SV2C: variants seen among roughly 807,000 people sequenced by gnomAD.
The protein encoded by SV2C is solute carrier family 22 member B3.
SV2C carries 49 observed loss-of-function variants against 79.7 expected under a neutral mutation model. That is an observed-to-expected ratio of 0.61 (90% confidence interval 0.49 to 0.78). The LOEUF (loss-of-function observed/expected upper bound fraction) is 0.78. Ranked by LOEUF, SV2C falls within the 30% of genes least tolerant of loss-of-function variation. The probability of loss-of-function intolerance (pLI) is 0.00; values close to 1 mark genes in which losing one functional copy is unlikely to be tolerated. For synonymous variants in SV2C, 334 were observed against 333.2 expected, an observed-to-expected ratio of 1.00 and a Z score of -0.03; for missense variants, 833 against 912.9, an observed-to-expected ratio of 0.91 and a Z score of 1.13.
chr5:76,257,779 T>G (rs994665610), intron 4 of SV2C, among the ~76,000 whole-genome samples: 1 of 151,232 alleles, frequency 6.6e-6, no homozygotes, highest in Non-Finnish European at 1.5e-5. Flanking sequence ...TATGGGTGTA[T>G]GTAGTATAGA....
chr5:75,886,213 A>G, the SV2C span, among the ~76,000 whole-genome samples: 1 of 152,156 alleles, frequency 6.6e-6, no homozygotes, highest in Non-Finnish European at 1.5e-5. Flanking sequence ...ATGAGTACAG[A>G]TAAGACAGCC....
chr5:76,145,549 G>C (rs1484915740), intron 2 of SV2C, among the ~76,000 whole-genome samples: 1 of 152,170 alleles, frequency 6.6e-6, no homozygotes, highest in Non-Finnish European at 1.5e-5. Context: ...TGAGAATGAA[G>C]TCTGTGTGTC....
chr5:75,931,586 A>G, the SV2C span, among the ~76,000 whole-genome samples: 8 of 152,214 alleles, frequency 5.3e-5, no homozygotes, highest in African/African-American at 1.7e-4. Flanking sequence ...GGGCCAATCC[A>G]CTGCTGGCCC....
chr5:75,997,548 C>G, the SV2C span, among the ~76,000 whole-genome samples: 1 of 152,150 alleles, frequency 6.6e-6, no homozygotes, highest in African/African-American at 2.4e-5. Context: ...ACAGACACTT[C>G]TCAAAAGAAG....
chr5:76,183,416 G>A (rs1743815445), intron 2 of SV2C, among the ~76,000 whole-genome samples: 1 of 151,644 alleles, frequency 6.6e-6, no homozygotes, highest in Non-Finnish European at 1.5e-5. Flanking sequence ...TCCAGCACTG[G>A]GGTTTGTGCT....
chr5:76,133,628 G>A (rs999046591), intron 2 of SV2C, among the ~76,000 whole-genome samples: 7 of 151,762 alleles, frequency 4.6e-5, no homozygotes, highest in African/African-American at 1.7e-4. Flanking sequence ...TTGAAGGGGT[G>A]GGAGTCAGGA....
chr5:75,892,192 T>TG, the SV2C span, among the ~76,000 whole-genome samples: 3,526 of 152,170 alleles, frequency 0.023, 57 homozygotes, highest in African/African-American at 0.053. Context: ...TATCTTCATG[T>TG]TCCCTGGTTT....
At chr5:76,314,771 A>G (rs969320805) in intron 12 of SV2C, among the ~76,000 whole-genome samples, 1 of 152,258 alleles carries the variant, frequency 6.6e-6, no homozygotes, top group East Asian at 1.9e-4. Context: ...CAGCACAGAC[A>G]TATCTACCTC....
the SV2C span, among the ~76,000 whole-genome samples, chr5:75,983,079 A>G: frequency 1.3e-5 from 2 of 152,160 alleles, no homozygotes; most frequent in Non-Finnish European, 1.5e-5. Flanking sequence ...ATACAAGTTT[A>G]CCTATGTAAC....
At chr5:75,847,601 T>C in the SV2C span, among the ~76,000 whole-genome samples, 2 of 152,238 alleles carry the variant, frequency 1.3e-5, no homozygotes, top group East Asian at 3.8e-4. Context: ...TTTTCTCATT[T>C]GGCTGAAAGT....
chr5:75,953,220 T>C, the SV2C span, among the ~76,000 whole-genome samples: 2 of 151,778 alleles, frequency 1.3e-5, no homozygotes, highest in African/African-American at 4.8e-5. Context: ...TGGGAACTAA[T>C]AGAATAATGA....
chr5:75,989,068 G>A, the SV2C span, among the ~76,000 whole-genome samples: 6 of 151,290 alleles, frequency 4.0e-5, no homozygotes, highest in Admixed American at 6.6e-5. Context: ...TCTTTTTTTC[G>A]AAATTTAAAC....
At chr5:75,942,833 C>T in the SV2C span, among the ~76,000 whole-genome samples, 1 of 152,098 alleles carries the variant, frequency 6.6e-6, no homozygotes, top group Non-Finnish European at 1.5e-5. Context: ...AAGGAAGATT[C>T]ATTTGTTAAG....
chr5:75,946,141 A>T, the SV2C span, among the ~76,000 whole-genome samples: 1 of 152,138 alleles, frequency 6.6e-6, no homozygotes, highest in Non-Finnish European at 1.5e-5. Context: ...AGAATTGATG[A>T]GTCTCTACCT....
intron 12 of SV2C, among the ~76,000 whole-genome samples, chr5:76,318,971 G>A (rs1258744433): frequency 6.6e-6 from 1 of 152,196 alleles, no homozygotes; most frequent in African/African-American, 2.4e-5. Context: ...CGTACTTTGG[G>A]TGTCTGCAGA....
In SV2C at chr5:76,131,918, T is replaced by C; in HGVS notation, c.168T>C (p.Asp56=). ...GGTTCCAAGATGAAGAAGATGATGATGACTACTACCCGGCTGGAGAAACCT... is the reference window on the plus strand; with the variant it reads ...GGTTCCAAGATGAAGAAGATGATGACGACTACTACCCGGCTGGAGAAACCT... ...YSRFQDEEDD[D]DYYPAGETYN... Residue 56 remains aspartate (D), a synonymous_variant, in exon 2 of 13, where the codon GAT becomes GAC. Transcript: ENST00000502798. 1 of 1,613,744 alleles carries C rather than the reference T, an allele frequency of 6.2e-7. No homozygotes were observed. The highest frequency in any genetic ancestry group is 8.5e-7 in the Non-Finnish European group (1 of 1,179,928).
At chr5:75,877,830 G>A in the SV2C span, among the ~76,000 whole-genome samples, 1 of 151,724 alleles carries the variant, frequency 6.6e-6, no homozygotes, top group African/African-American at 2.4e-5. Context: ...AACCTCATCA[G>A]CTTCTGTTAT....
chr5:75,952,953 T>C, the SV2C span, among the ~76,000 whole-genome samples: 1 of 152,022 alleles, frequency 6.6e-6, no homozygotes. Context: ...TGCTTCTAGA[T>C]GTATCCCCTT....
the SV2C span, among the ~76,000 whole-genome samples, chr5:75,863,457 A>G: frequency 5.9e-5 from 9 of 152,312 alleles, no homozygotes; most frequent in South Asian, 1.9e-3. Context: ...GAAAGTGGTG[A>G]GTTTTGAGAA....
Sources: allele counts gnomAD v4.1 joint callset (sites outside exome capture counted in the v4.1 genomes callset), GRCh38; gene constraint gnomAD v4.1.1; transcripts MANE v1.5; gene names NCBI Gene and HGNC (gene_info 2026-07-23, HGNC 2026-07-21).